TBC1D12: variants seen among roughly 807,000 people sequenced by gnomAD.
TBC1D12 encodes the protein TBC1 domain family, member 12.
A neutral mutation model predicts 86.7 loss-of-function variants in TBC1D12; 56 were observed. The ratio of observed to expected loss-of-function variants is 0.65; its 90% CI spans 0.52 to 0.81. TBC1D12 has a LOEUF of 0.81. Among genes scored for constraint, TBC1D12 ranks in the 30% least tolerant of loss-of-function variants. The pLI, the probability that TBC1D12 is intolerant of heterozygous loss-of-function variation, is 0.00. For synonymous variants in TBC1D12, 421 were observed against 411.7 expected (o/e 1.02, Z -0.27); for missense variants, 1,023 against 1,038.8 (o/e 0.98, Z 0.21).
chr10:94,418,011 C>T (rs530242184), intron 1 of TBC1D12, among the ~76,000 whole-genome samples: 9 of 152,230 alleles, frequency 5.9e-5, no homozygotes, highest in South Asian at 2.1e-4. Context: ...ACCTCGGTCT[C>T]CCAAAGTGCG....
chr10:94,456,900 C>T (rs2055634796), intron 2 of TBC1D12, among the ~76,000 whole-genome samples: 1 of 152,072 alleles, frequency 6.6e-6, no homozygotes, highest in Non-Finnish European at 1.5e-5. Context: ...GATTACTAAC[C>T]CCTTTATTAT....
In TBC1D12 at chr10:94,493,714, G is replaced by A. The variant is rs1416043562; in HGVS notation, c.1294+267G>A. Among the ~76,000 whole-genome samples the A allele has an allele frequency of 2.0e-5, 3 of 152,014 alleles. No individual in the cohort carries two copies. In the East Asian group the frequency reaches 5.8e-4, roughly 29 times the overall value. On this transcript the variant is annotated intron_variant, in intron 4 of 12. Coordinates refer to ENST00000225235, the MANE Select transcript of TBC1D12 (RefSeq NM_015188.2). ...ACCACAGGCACGTGCCACCATGCTTGGCTAGTTTTTTGTATTGTTTGTAGA... is the reference window on the plus strand; with the variant it reads ...ACCACAGGCACGTGCCACCATGCTTAGCTAGTTTTTTGTATTGTTTGTAGA...
chr10:94,529,243 A>C (rs1394579154), intron 11 of TBC1D12, among the ~76,000 whole-genome samples: 1 of 152,152 alleles, frequency 6.6e-6, no homozygotes, highest in South Asian at 2.1e-4. Context: ...CCTGGATGCA[A>C]GCGATCCTCC....
At chr10:94,501,100 A>AATG (rs1564979784) in intron 6 of TBC1D12, among the ~76,000 whole-genome samples, 107 of 143,516 alleles carry the variant, frequency 7.5e-4, no homozygotes, top group African/African-American at 2.7e-3. Flanking sequence ...ATGAATGAAT[A>AATG]AATAAATAAA....
rs764702386 is a variant in TBC1D12, at chr10:94,474,748, T to G, written c.1176T>G (p.Leu392=). 3 of 1,614,174 alleles carry G rather than the reference T, an allele frequency of 1.9e-6. No individual in the cohort carries two copies. The highest frequency in any genetic ancestry group is 2.5e-6 in the Non-Finnish European group (3 of 1,180,016). Residue 392 remains leucine, a synonymous_variant, in exon 3 of 13, where the codon CTT becomes CTG. Coordinates refer to ENST00000225235, the MANE Select transcript of TBC1D12 (RefSeq NM_015188.2). The part of the protein sequence containing the change: ...SRRKNFEFEP[L]STTALILEDR... ...GCAAGAATTTTGAATTTGAGCCGCT[T>G]TCTACCACTGCCTTGATTCTTGAGG...
chr10:94,466,892 T>C (rs2055833049), intron 2 of TBC1D12, among the ~76,000 whole-genome samples: 1 of 152,182 alleles, frequency 6.6e-6, no homozygotes, highest in South Asian at 2.1e-4. Context: ...AATTCCTTAG[T>C]CTCTATGGCC....
In TBC1D12 at chr10:94,533,466, G is replaced by A; in HGVS notation, c.*370G>A. On this transcript the variant is annotated 3_prime_UTR_variant, in exon 13 of 13. Transcript: ENST00000225235. ...AAAGATATTCTGGAGGCTAGAGTAG[G>A]ATTGTTAAATACTACTGTTAACCTC... is the stretch of plus-strand genomic sequence containing the variant. 5.3e-6 allele frequency: 1 copy of A among 186,922 alleles called. No individual in the cohort carries two copies. Among genetic ancestry groups the A allele is most frequent in the Non-Finnish European group, 1.1e-5 (1 of 91,722 alleles). The allele number at this position is 186,922 out of a possible 1,614,324, so 11.6% of individuals were successfully genotyped here.
chr10:94,488,692 C>T (rs1467751871), intron 3 of TBC1D12, among the ~76,000 whole-genome samples: 1 of 151,670 alleles, frequency 6.6e-6, no homozygotes, highest in Non-Finnish European at 1.5e-5. Context: ...GGTCCGGCCT[C>T]CAAGGGGTCT....
intron 5 of TBC1D12, 77 bp from the exon 6 acceptor site, chr10:94,500,144 A>G (rs1318891347): frequency 1.5e-6 from 2 of 1,309,048 alleles, no homozygotes; most frequent in Non-Finnish European, 1.1e-6. Context: ...GCCATAGACT[A>G]AAGATAATCC....
chr10:94,497,028 G>T, intron 4 of TBC1D12, 27 bp from the exon 5 acceptor site: 1 of 1,393,206 alleles, frequency 7.2e-7, no homozygotes, highest in South Asian at 1.3e-5. Flanking sequence ...TATTTGTATT[G>T]AAATAATTTT....
chr10:94,464,072 G>A (rs1186705564), intron 2 of TBC1D12, among the ~76,000 whole-genome samples: 1 of 151,254 alleles, frequency 6.6e-6, no homozygotes, highest in East Asian at 1.9e-4. Context: ...AGCCACTAGA[G>A]CTTGTTTCCA....
At position 94,511,416 on chromosome 10, in the gene TBC1D12, T is replaced by C. The variant is rs138581692; in HGVS notation, c.1690-167T>C. On this transcript the variant is annotated intron_variant, in intron 8 of 12. Coordinates refer to ENST00000225235, the MANE Select transcript of TBC1D12 (RefSeq NM_015188.2). ...CCCATCTGCAGTATTAAATATTTAT[T>C]ATTCATAATTTGGAAAACATCTTGG... Among the ~76,000 whole-genome samples the C allele has an allele frequency of 7.2e-5, 11 of 152,294 alleles. No homozygotes were observed. In the East Asian group the frequency reaches 1.9e-3, roughly 27 times the overall value.
chr10:94,431,528 GA>G (rs779076449), intron 1 of TBC1D12, among the ~76,000 whole-genome samples: 23 of 152,274 alleles, frequency 1.5e-4, no homozygotes, highest in Non-Finnish European at 2.9e-4. Context: ...TGGGGTTTGG[GA>G]AGGCCTAATA....
chr10:94,434,260 C>T (rs2055261620), intron 1 of TBC1D12, among the ~76,000 whole-genome samples: 1 of 152,064 alleles, frequency 6.6e-6, no homozygotes, highest in African/African-American at 2.4e-5. Context: ...AATCCCAGCA[C>T]TTTGGGAGGC....
At chr10:94,519,919 T>G (rs1000553641) in intron 9 of TBC1D12, among the ~76,000 whole-genome samples, 3 of 152,206 alleles carry the variant, frequency 2.0e-5, no homozygotes, top group African/African-American at 7.2e-5. Flanking sequence ...CCTTTTACCA[T>G]GTCCAGCAAC....
chr10:94,469,527 C>T (rs1386408766), intron 2 of TBC1D12, among the ~76,000 whole-genome samples: 3 of 147,418 alleles, frequency 2.0e-5, no homozygotes, highest in Non-Finnish European at 3.0e-5. Context: ...CGGCTCACTG[C>T]AACCCTCTGC....
chr10:94,454,369 G>A (rs1212477513), intron 2 of TBC1D12, among the ~76,000 whole-genome samples: 1 of 152,070 alleles, frequency 6.6e-6, no homozygotes, highest in Admixed American at 6.5e-5. Context: ...GTGCCACCAT[G>A]CCGGGCTAAT....
intron 2 of TBC1D12, among the ~76,000 whole-genome samples, chr10:94,466,988 A>G (rs2055834092): frequency 6.6e-6 from 1 of 151,964 alleles, no homozygotes; most frequent in South Asian, 2.1e-4. Flanking sequence ...ATGGTCTTCA[A>G]TTTAGGTTTC....
chr10:94,429,410 C>T (rs1483994935), intron 1 of TBC1D12, among the ~76,000 whole-genome samples: 1 of 151,732 alleles, frequency 6.6e-6, no homozygotes, highest in Non-Finnish European at 1.5e-5. Flanking sequence ...ACTTTTTTTG[C>T]ATATAGTCAG....
Sources: gnomAD v4.1 joint callset for allele counts (sites outside exome capture counted in the v4.1 genomes callset) on GRCh38, gnomAD v4.1.1 for gene constraint, MANE v1.5 for transcripts, NCBI Gene and HGNC (gene_info 2026-07-23, HGNC 2026-07-21) for gene names.